OSMR: variants seen among roughly 807,000 people sequenced by gnomAD.
OSMR encodes the protein oncostatin M receptor, also known as oncostatin-M-specific receptor subunit beta.
In OSMR, 81 loss-of-function variants were observed where a neutral mutation model predicts 99.9. The observed-to-expected ratio is 0.81, with a 90% CI of 0.68 to 0.97. The LOEUF (loss-of-function observed/expected upper bound fraction) is 0.97. Among genes scored for constraint, OSMR ranks in the 50% least tolerant of loss-of-function variants. The probability of loss-of-function intolerance (pLI) is 0.00; values close to 1 mark genes in which losing one functional copy is unlikely to be tolerated. For missense variants in OSMR, 1,099 were observed against 1,153.4 expected (o/e 0.95, Z 0.68); for synonymous variants, 406 against 410.4 (o/e 0.99, Z 0.13).
At chr5:38,923,440 T>G (rs1046467986) in intron 13 of OSMR, among the ~76,000 whole-genome samples, 186 bp downstream of exon 13, 7 of 152,348 alleles carry the variant, frequency 4.6e-5, no homozygotes, top group African/African-American at 1.7e-4. Context: ...TAATTCTCAT[T>G]GCTAAGTCTC....
intron 1 of OSMR, among the ~76,000 whole-genome samples, chr5:38,851,901 T>C (rs1453420178): frequency 6.6e-6 from 1 of 152,190 alleles, no homozygotes; most frequent in East Asian, 1.9e-4. Context: ...GAAACCACTT[T>C]CACTTGGCTC....
rs2112388269 is a variant in OSMR, at chr5:38,883,970, G to A, written c.562G>A (p.Gly188Arg). ...TTATTTGGAAGGGAAACAGATTCAT[G>A]GAGAACAACTTGATCCACATGTAAC... ...SCYLEGKQIH[G>R]EQLDPHVTAF... Residue 188 changes from glycine to arginine, a missense_variant, in exon 5 of 18, where the codon GGA becomes AGA. By Grantham distance (125) the Gly-to-Arg change is moderately radical. Transcript: ENST00000274276. The A allele has an allele frequency of 6.2e-7, 1 of 1,613,856 alleles. No individual in the cohort carries two copies. The highest frequency in any genetic ancestry group is 1.3e-5 in the African/African-American group (1 of 75,038).
At chr5:38,932,028 GT>G in intron 16 of OSMR, 64 bp downstream of exon 16, 1 of 1,212,564 alleles carries the variant, frequency 8.2e-7, no homozygotes, top group South Asian at 1.2e-5. Context: ...AAGAGATTTA[GT>G]AAGATAGAAA....
Position 38,935,437 on chromosome 5 carries a change from C to T in OSMR, c.*1993C>T, listed in dbSNP as rs140757977. 2.6e-5 allele frequency: 4 copies of T among 152,116 alleles called. No individual in the cohort carries two copies. The East Asian group carries it at 7.7e-4, about 29-fold the overall frequency. The allele number at this position is 152,116 out of a possible 1,614,324, so 9.4% of individuals were successfully genotyped here. A position where few individuals can be genotyped will look rare whatever the true frequency, so the allele number is the denominator to read the frequency against. On this transcript the variant is annotated 3_prime_UTR_variant, in exon 18 of 18. Transcript: ENST00000274276. ...CTAACAGTTGTGTTAGACTTTAGGG[C>T]CAGTATTGTCAGCATTTATTTATTT...
intron 15 of OSMR, among the ~76,000 whole-genome samples, chr5:38,930,100 A>T (rs979915921): frequency 1.2e-4 from 18 of 152,210 alleles, no homozygotes; most frequent in African/African-American, 4.3e-4. Flanking sequence ...CACAGACCAC[A>T]TAATGTTTCT....
chr5:38,881,467 A>T, intron 3 of OSMR, 126 bp from the exon 4 acceptor site: 1 of 1,579,340 alleles, frequency 6.3e-7, no homozygotes, highest in Non-Finnish European at 8.6e-7. Flanking sequence ...GCAGAAGTGG[A>T]ATTCACTGGC....
intron 7 of OSMR, among the ~76,000 whole-genome samples, chr5:38,895,954 T>C (rs1744482176): frequency 6.6e-6 from 1 of 152,022 alleles, no homozygotes; most frequent in Non-Finnish European, 1.5e-5. Flanking sequence ...AAAAAATAAG[T>C]TTACTGTAGA....
At chr5:38,914,534 A>C (rs969133640) in intron 9 of OSMR, among the ~76,000 whole-genome samples, 1 of 150,154 alleles carries the variant, frequency 6.7e-6, no homozygotes. Context: ...AAAATAAATC[A>C]TTCTACCAAC....
At chr5:38,877,049 C>T (rs1462634251) in intron 3 of OSMR, among the ~76,000 whole-genome samples, 2 of 152,154 alleles carry the variant, frequency 1.3e-5, no homozygotes, top group Non-Finnish European at 2.9e-5. Flanking sequence ...TGCACTAGGA[C>T]ACATGAGTGG....
intron 1 of OSMR, among the ~76,000 whole-genome samples, chr5:38,853,021 G>A (rs992957619): frequency 2.6e-5 from 4 of 152,012 alleles, no homozygotes; most frequent in East Asian, 1.9e-4. Context: ...GTGAGCCACC[G>A]CGCCCGGCCC....
chr5:38,900,133 A>G (rs1579740794), intron 7 of OSMR, among the ~76,000 whole-genome samples: 2 of 152,236 alleles, frequency 1.3e-5, no homozygotes, highest in Admixed American at 1.3e-4. Context: ...GCTCATCTGA[A>G]TGCTCCCTCT....
chr5:38,911,130 T>C (rs1181747209), intron 9 of OSMR, among the ~76,000 whole-genome samples: 2 of 152,046 alleles, frequency 1.3e-5, no homozygotes, highest in African/African-American at 4.8e-5. Flanking sequence ...CAAAAAACTA[T>C]ACAAAAGATC....
downstream of OSMR, among the ~76,000 whole-genome samples, chr5:38,936,294 T>G (rs1747035592): frequency 1.3e-5 from 2 of 152,146 alleles, no homozygotes; most frequent in African/African-American, 4.8e-5. Flanking sequence ...ATCTGAGTTC[T>G]CTAAATAAGC....
At position 38,918,829 on chromosome 5, in the gene OSMR, A is replaced by T; in HGVS notation, c.1363-11A>T. Reference sequence around the variant, plus strand: ...AACCCATTTAAAAATGTTTATCAATATTTTTTTCAGCCATTATCAAAACTG... The same window carrying T: ...AACCCATTTAAAAATGTTTATCAATTTTTTTTTCAGCCATTATCAAAACTG... On this transcript the variant is annotated splice_polypyrimidine_tract_variant and intron_variant, in intron 10 of 17. Transcript: ENST00000274276. The T allele has an allele frequency of 6.2e-7, 1 of 1,613,638 alleles. No individual in the cohort carries two copies. Among genetic ancestry groups the T allele is most frequent in the Non-Finnish European group, 8.5e-7 (1 of 1,179,598 alleles).
chr5:38,853,539 T>G (rs553958474), intron 1 of OSMR, among the ~76,000 whole-genome samples: 6 of 152,344 alleles, frequency 3.9e-5, no homozygotes, highest in African/African-American at 1.2e-4. Context: ...CAAGTCTGCG[T>G]GCTATTGTTC....
intron 7 of OSMR, among the ~76,000 whole-genome samples, chr5:38,894,780 A>G (rs1383310670): frequency 6.6e-6 from 1 of 152,070 alleles, no homozygotes; most frequent in Admixed American, 6.6e-5. Flanking sequence ...TCAACACCAC[A>G]CTGACAGCAT....
chr5:38,876,181 C>T lies in OSMR; in HGVS notation c.74-20C>T. ...TGCTCCTATTAAATATTATTTCATACTTCATTTTGATCTTTTCAGTCTTGG... is the reference window on the plus strand; with the variant it reads ...TGCTCCTATTAAATATTATTTCATATTTCATTTTGATCTTTTCAGTCTTGG... On this transcript the variant is annotated intron_variant, in intron 2 of 17. Transcript: ENST00000274276. 6.3e-7 allele frequency: 1 copy of T among 1,599,152 alleles called. No homozygotes were observed. The highest frequency in any genetic ancestry group is 8.6e-7 in the Non-Finnish European group (1 of 1,166,684).
At chr5:38,944,997 T>C (rs1278592403) in exon 3 of OSMR, 3 of 1,613,130 alleles carry the variant, frequency 1.9e-6, no homozygotes, top group South Asian at 2.2e-5. Flanking sequence ...CCCGAAAACT[T>C]AGAGGGAACC....
intron 1 of OSMR, among the ~76,000 whole-genome samples, chr5:38,861,983 ACCTC>A (rs1458699038): frequency 1.1e-5 from 1 of 92,050 alleles, no homozygotes; most frequent in African/African-American, 4.3e-5. Context: ...TGACCCCCTC[ACCTC>A]CCTCCCGGAC....
Sources: allele counts gnomAD v4.1 joint callset (sites outside exome capture counted in the v4.1 genomes callset), GRCh38; gene constraint gnomAD v4.1.1; transcripts MANE v1.5; gene names NCBI Gene and HGNC (gene_info 2026-07-23, HGNC 2026-07-21).